The following ATIC variants were observed in gnomAD, a reference collection of about 807,000 sequenced individuals.
The protein encoded by ATIC is bifunctional purine biosynthesis protein ATIC.
ATIC carries 64 observed loss-of-function variants against 72.5 expected under a neutral mutation model. The observed-to-expected ratio is 0.88, with a 90% CI of 0.72 to 1.09. The LOEUF is 1.09. Among genes scored for constraint, ATIC ranks in the 50% least tolerant of loss-of-function variants. The pLI, the probability that ATIC is intolerant of heterozygous loss-of-function variation, is 0.00. For synonymous variants in ATIC, 281 were observed against 267.1 expected, an observed-to-expected ratio of 1.05 and a Z score of -0.51; for missense variants, 787 against 732.4, an observed-to-expected ratio of 1.07 and a Z score of -0.86.
the ATIC span, chr2:215,361,394 G>T: frequency 1.4e-6 from 1 of 734,802 alleles, no homozygotes; most frequent in Non-Finnish European, 2.5e-6. Flanking sequence ...CCAGGGTGAT[G>T]CTTGGAGAAG....
chr2:215,368,111 CAAT>C, the ATIC span: 11 of 1,375,666 alleles, frequency 8.0e-6, no homozygotes, highest in Non-Finnish European at 1.1e-5. Flanking sequence ...TGACTGTATA[CAAT>C]GACTTAATCT....
At chr2:215,345,106 G>A (rs1027363172) in intron 13 of ATIC, 34 of 560,102 alleles carry the variant, frequency 6.1e-5, no homozygotes, top group Non-Finnish European at 1.0e-4. Flanking sequence ...GCCTTGAATA[G>A]GTTGGCACAT....
rs551274501 is a variant in ATIC, at chr2:215,334,189, C to CTTTTT, written c.923-712_923-708dup. Among the ~76,000 whole-genome samples, 214 of 100,954 alleles carry CTTTTT rather than the reference C, an allele frequency of 2.1e-3. 5 individuals are homozygous for CTTTTT. Among genetic ancestry groups the CTTTTT allele is most frequent in the Non-Finnish European group, 3.1e-3 (161 of 51,792 alleles). 66.2% of individuals were successfully genotyped at this position (100,954 alleles called of 152,430 possible). On this transcript the variant is annotated intron_variant, in intron 9 of 15. Transcript: ENST00000236959. The stretch of plus-strand genomic sequence containing the variant: ...AAAATTGAAATTACAAAAAGCTATT[C>CTTTTT]TTTTTTTTTTTTTTTTTTTTTTGAG...
intron 4 of ATIC, among the ~76,000 whole-genome samples, chr2:215,320,918 A>G (rs1575114483): frequency 1.3e-5 from 2 of 152,108 alleles, no homozygotes; most frequent in East Asian, 3.9e-4. Flanking sequence ...ACATGAACTC[A>G]GAGTGAGGAC....
At chr2:215,343,531 T>TCTACTAAACATGAC (rs2053041828) in intron 12 of ATIC, among the ~76,000 whole-genome samples, 1 of 152,192 alleles carries the variant, frequency 6.6e-6, no homozygotes, top group South Asian at 2.1e-4. Context: ...GAGATGGGGT[T>TCTACTAAACATGAC]CACCATGTTG....
chr2:215,342,711 A>G (rs1477948392), intron 12 of ATIC, among the ~76,000 whole-genome samples: 2 of 152,004 alleles, frequency 1.3e-5, no homozygotes, highest in African/African-American at 2.4e-5. Flanking sequence ...ACAGGGTCCA[A>G]CTCTGTTGTC....
chr2:215,362,283 C>G, the ATIC span: 3 of 586,830 alleles, frequency 5.1e-6, no homozygotes, highest in South Asian at 3.8e-5. Flanking sequence ...ATACCTACAT[C>G]TGTCTCTCTA....
intron 13 of ATIC, 120 bp downstream of exon 13, chr2:215,344,991 T>C (rs2053057900): frequency 4.5e-6 from 5 of 1,114,696 alleles, no homozygotes; most frequent in Admixed American, 2.0e-5. Context: ...TGTTTGTCTT[T>C]TGTGTTTGTC....
chr2:215,318,806 C>T lies in ATIC; in HGVS notation c.223+573C>T, dbSNP rs921489345. Among the ~76,000 whole-genome samples the T allele has an allele frequency of 5.3e-5, 8 of 152,190 alleles. No individual in the cohort carries two copies. The East Asian group carries it at 5.8e-4, about 11-fold the overall frequency. On this transcript the variant is annotated intron_variant, in intron 3 of 15. Transcript: ENST00000236959. ...GAACTAGCAACAGTTTTGTAAAATTCCTTTTACCTTTTTTACATTTTATTG... is the reference window on the plus strand; with the variant it reads ...GAACTAGCAACAGTTTTGTAAAATTTCTTTTACCTTTTTTACATTTTATTG...
At chr2:215,338,304 A>T (rs16853821) in intron 11 of ATIC, among the ~76,000 whole-genome samples, 1 of 152,096 alleles carries the variant, frequency 6.6e-6, no homozygotes, top group Admixed American at 6.6e-5. Context: ...TTAGCTTTCA[A>T]TTCCTGGGTT....
chr2:215,315,676 C>T (rs768817934), intron 2 of ATIC, among the ~76,000 whole-genome samples: 8 of 152,060 alleles, frequency 5.3e-5, no homozygotes, highest in East Asian at 3.9e-4. Flanking sequence ...TCTGGCTGGG[C>T]GCAGTGGCTC....
chr2:215,361,935 T>C, the ATIC span: 1 of 1,610,956 alleles, frequency 6.2e-7, no homozygotes, highest in Non-Finnish European at 8.5e-7. Context: ...CTGTCTAGTA[T>C]GAGGGAACAC....
the ATIC span, chr2:215,360,486 C>G: frequency 1.3e-5 from 2 of 152,130 alleles, no homozygotes; most frequent in African/African-American, 4.8e-5. Flanking sequence ...ATTTCCCTTG[C>G]AGGCAATCTC....
intron 14 of ATIC, chr2:215,347,329 A>T: frequency 5.4e-6 from 2 of 370,832 alleles, no homozygotes; most frequent in South Asian, 4.5e-5. Flanking sequence ...CATTAAATAC[A>T]AATTGCCTGA....
intron 11 of ATIC, among the ~76,000 whole-genome samples, chr2:215,337,735 G>A (rs868745143): frequency 6.6e-6 from 1 of 152,138 alleles, no homozygotes; most frequent in Non-Finnish European, 1.5e-5. Flanking sequence ...ACAACCATTA[G>A]CATTTTCTTG....
At chr2:215,336,193 T>C in intron 11 of ATIC, 69 bp downstream of exon 11, 8 of 1,201,984 alleles carry the variant, frequency 6.7e-6, no homozygotes, top group Non-Finnish European at 9.9e-6. Flanking sequence ...CCTTGTTTAC[T>C]CTTTCCTTTA....
rs2052906040 is a variant in ATIC, at chr2:215,332,452, CAAG to C, written c.760_762del (p.Lys254del). On this transcript the variant is annotated inframe_deletion, in exon 8 of 16. Transcript: ENST00000236959. ...ACGCCTGGCAGCTGGTGAAGGAACT[CAAG>C]GAGGCTTTAGGTATTCCAGCCGCTG... The C allele has an allele frequency of 6.2e-7, 1 of 1,614,094 alleles. No individual in the cohort carries two copies. Among genetic ancestry groups the C allele is most frequent in the Non-Finnish European group, 8.5e-7 (1 of 1,180,010 alleles).
At chr2:215,357,114 C>T in the ATIC span, among the ~76,000 whole-genome samples, 2 of 152,180 alleles carry the variant, frequency 1.3e-5, no homozygotes, top group Admixed American at 6.5e-5. Flanking sequence ...AGCTTTCCAG[C>T]ACTTGGCTCA....
At chr2:215,338,453 C>A (rs2052980580) in intron 11 of ATIC, among the ~76,000 whole-genome samples, 1 of 152,158 alleles carries the variant, frequency 6.6e-6, no homozygotes, top group Non-Finnish European at 1.5e-5. Context: ...ACCAAAAATA[C>A]ACTCACTGGA....
Sources: gnomAD v4.1 joint callset for allele counts (sites outside exome capture counted in the v4.1 genomes callset) on GRCh38, gnomAD v4.1.1 for gene constraint, MANE v1.5 for transcripts, NCBI Gene and HGNC (gene_info 2026-07-23, HGNC 2026-07-21) for gene names.